Variants in PLCL1 observed in about 807,000 individuals in gnomAD.
The protein encoded by PLCL1 is phospholipase C like 1 (inactive).
A neutral mutation model predicts 84.4 loss-of-function variants in PLCL1; 41 were observed. The ratio of observed to expected loss-of-function variants is 0.49; its 90% CI spans 0.38 to 0.63. The LOEUF (loss-of-function observed/expected upper bound fraction) is 0.63. PLCL1 is among the 30% of genes least tolerant of loss of function. The pLI, the probability that PLCL1 is intolerant of heterozygous loss-of-function variation, is 0.00. For synonymous variants in PLCL1, 490 were observed against 488.3 expected (o/e 1.00, Z -0.05); for missense variants, 1,206 against 1,367.8 (o/e 0.88, Z 1.87).
chr2:197,981,604 T>G (rs1020506243), intron 1 of PLCL1, among the ~76,000 whole-genome samples: 22 of 152,204 alleles, frequency 1.4e-4, no homozygotes, highest in African/African-American at 5.1e-4. Context: ...TTTTCCATCT[T>G]GTTCTTACGT....
intron 1 of PLCL1, among the ~76,000 whole-genome samples, chr2:198,031,030 A>G (rs1691402627): frequency 6.6e-6 from 1 of 152,176 alleles, no homozygotes; most frequent in South Asian, 2.1e-4. Flanking sequence ...TATTTAAACA[A>G]AATGCCATAC....
chr2:197,809,770 G>A (rs930207409), intron 1 of PLCL1, among the ~76,000 whole-genome samples: 2 of 151,750 alleles, frequency 1.3e-5, no homozygotes, highest in Non-Finnish European at 2.9e-5. Context: ...AAATCTAGGG[G>A]AGTAAGGAAA....
rs368199817 is a variant in PLCL1 at position 197,972,589 on chromosome 2, A to G, written c.241-111169A>G. 2.2e-4 allele frequency among the ~76,000 whole-genome samples: 33 copies of G among 152,330 alleles called. 1 individual carries two copies. The highest frequency in any genetic ancestry group is 7.5e-4 in the African/African-American group (31 of 41,578). On this transcript the variant is annotated intron_variant, in intron 1 of 5. Coordinates refer to ENST00000428675, the MANE Select transcript of PLCL1 (RefSeq NM_006226.4). Reference sequence around the variant, plus strand: ...AAAAATGTACAAAATATAAGGTGTCATATATCCAAAAATATTCTGAATTGC... The same window carrying G: ...AAAAATGTACAAAATATAAGGTGTCGTATATCCAAAAATATTCTGAATTGC...
intron 1 of PLCL1, among the ~76,000 whole-genome samples, chr2:197,949,291 A>G (rs1464210): frequency 0.99 from 150,993 of 152,266 alleles, 74,883 homozygotes; most frequent in Middle Eastern, 1. Context: ...TTCCCAGACT[A>G]TATTCAGATG....
intron 1 of PLCL1, among the ~76,000 whole-genome samples, chr2:197,939,717 C>CT (rs869135841): frequency 0.22 from 24,605 of 112,088 alleles, 2,845 homozygotes; most frequent in Middle Eastern, 0.25. Context: ...CTTCAACAGA[C>CT]TTTTTTTTTT....
intron 1 of PLCL1, among the ~76,000 whole-genome samples, chr2:197,932,310 C>G (rs1688951450): frequency 6.6e-6 from 1 of 152,164 alleles, no homozygotes; most frequent in Admixed American, 6.5e-5. Context: ...GCACTGAACA[C>G]AGTTATTTCC....
intron 1 of PLCL1, among the ~76,000 whole-genome samples, chr2:197,999,901 TA>T (rs1380552013): frequency 1.3e-5 from 2 of 152,114 alleles, no homozygotes; most frequent in African/African-American, 2.4e-5. Flanking sequence ...AAAAACAAGA[TA>T]AAACACATTC....
At chr2:197,811,224 C>T (rs771005) in intron 1 of PLCL1, among the ~76,000 whole-genome samples, 110,812 of 152,130 alleles carry the variant, frequency 0.73, 41,435 homozygotes, top group African/African-American at 0.9. Context: ...TAGGGCCAAA[C>T]GGCCAACTTC....
intron 1 of PLCL1, among the ~76,000 whole-genome samples, chr2:197,972,573 C>G (rs1297008847): frequency 6.6e-6 from 1 of 152,046 alleles, no homozygotes. Context: ...TAAAAATGTA[C>G]AAAATATAAG....
chr2:197,836,734 C>CT (rs549836710), intron 1 of PLCL1, among the ~76,000 whole-genome samples: 97 of 152,130 alleles, frequency 6.4e-4, no homozygotes, highest in African/African-American at 2.2e-3. Context: ...GGCAATTTCT[C>CT]TTTTTTTAGA....
chr2:198,062,176 C>T (rs1692221255), intron 1 of PLCL1, among the ~76,000 whole-genome samples: 1 of 152,104 alleles, frequency 6.6e-6, no homozygotes, highest in Non-Finnish European at 1.5e-5. Context: ...CAAATCTGCC[C>T]TTCAAATTAT....
chr2:197,996,603 G>A (rs1690470826), intron 1 of PLCL1, among the ~76,000 whole-genome samples: 1 of 151,640 alleles, frequency 6.6e-6, no homozygotes, highest in East Asian at 1.9e-4. Context: ...TAAAAATAAA[G>A]TCTATTAATT....
chr2:198,132,867 CA>C (rs1315305504), intron 5 of PLCL1, among the ~76,000 whole-genome samples: 4 of 151,724 alleles, frequency 2.6e-5, no homozygotes, highest in African/African-American at 9.7e-5. Flanking sequence ...CTTTTGTTGC[CA>C]TTGCTTTTGG....
intron 5 of PLCL1, among the ~76,000 whole-genome samples, chr2:198,122,020 A>G (rs1321063696): frequency 6.6e-6 from 1 of 152,080 alleles, no homozygotes; most frequent in Non-Finnish European, 1.5e-5. Context: ...ACAGGCATCC[A>G]TATACATATG....
intron 1 of PLCL1, among the ~76,000 whole-genome samples, chr2:198,032,632 T>C (rs977409002): frequency 6.6e-6 from 1 of 152,146 alleles, no homozygotes; most frequent in African/African-American, 2.4e-5. Flanking sequence ...CTTAATCTAG[T>C]GTGTGCTAGA....
intron 1 of PLCL1, among the ~76,000 whole-genome samples, chr2:197,962,064 A>G (rs1689634780): frequency 1.3e-5 from 2 of 152,064 alleles, no homozygotes; most frequent in African/African-American, 4.8e-5. Context: ...AGTATATTGT[A>G]AAAGACTCTA....
intron 1 of PLCL1, among the ~76,000 whole-genome samples, chr2:197,996,922 T>C (rs1362381129): frequency 6.6e-6 from 1 of 152,162 alleles, no homozygotes; most frequent in Non-Finnish European, 1.5e-5. Context: ...GTACCAGGGC[T>C]CTCCTAGTCC....
chr2:198,108,277 C>T (rs1270210954), intron 5 of PLCL1, among the ~76,000 whole-genome samples: 1 of 151,834 alleles, frequency 6.6e-6, no homozygotes, highest in Non-Finnish European at 1.5e-5. Flanking sequence ...GGCTGTGGTA[C>T]AATTCTGCGT....
At chr2:197,991,554 T>C (rs1477433855) in intron 1 of PLCL1, among the ~76,000 whole-genome samples, 1 of 152,216 alleles carries the variant, frequency 6.6e-6, no homozygotes, top group Admixed American at 6.5e-5. Context: ...ATTTATTCTG[T>C]GCTCCTACTT....
Sources: allele counts gnomAD v4.1 joint callset (sites outside exome capture counted in the v4.1 genomes callset), GRCh38; gene constraint gnomAD v4.1.1; transcripts MANE v1.5; gene names NCBI Gene and HGNC (gene_info 2026-07-23, HGNC 2026-07-21).